TAFA2: variants seen among roughly 807,000 people sequenced by gnomAD.
TAFA2 encodes chemokine-like protein TAFA-2.
TAFA2 carries 7 observed loss-of-function variants against 18.8 expected under a neutral mutation model. That is an observed-to-expected ratio of 0.37 (90% confidence interval 0.21 to 0.70). The LOEUF (loss-of-function observed/expected upper bound fraction) is 0.70. TAFA2 is among the 30% of genes least tolerant of loss of function. The pLI is 0.53. For missense variants in TAFA2, 122 were observed against 158.1 expected (o/e 0.77, Z 1.23); for synonymous variants, 60 against 54.2 (o/e 1.11, Z -0.47).
At chr12:62,020,702 G>A (rs1881100185) in intron 1 of TAFA2, among the ~76,000 whole-genome samples, 2 of 152,102 alleles carry the variant, frequency 1.3e-5, no homozygotes, top group African/African-American at 4.8e-5. Flanking sequence ...CTTTGTGTTT[G>A]AAAATGATTT....
chr12:61,972,417 AGTG>A (rs1272291462), intron 1 of TAFA2, among the ~76,000 whole-genome samples: 1 of 151,600 alleles, frequency 6.6e-6, no homozygotes, highest in Non-Finnish European at 1.5e-5. Flanking sequence ...GATACAACCA[AGTG>A]GTGATAACTT....
At chr12:62,112,252 AG>A (rs1565748305) in intron 1 of TAFA2, among the ~76,000 whole-genome samples, 1 of 152,148 alleles carries the variant, frequency 6.6e-6, no homozygotes, top group Non-Finnish European at 1.5e-5. Flanking sequence ...TATGAAGCTT[AG>A]TTTGGCTGGA....
At chr12:61,737,511 T>C (rs1037145218) in intron 4 of TAFA2, among the ~76,000 whole-genome samples, 8 of 151,732 alleles carry the variant, frequency 5.3e-5, no homozygotes, top group South Asian at 2.1e-4. Context: ...GTTAAGAGCA[T>C]GGGGTTAAGA....
intron 1 of TAFA2, among the ~76,000 whole-genome samples, chr12:62,099,482 C>G (rs919830789): frequency 6.6e-6 from 1 of 152,140 alleles, no homozygotes; most frequent in Admixed American, 6.5e-5. Flanking sequence ...TAGCACTTAA[C>G]TACAGACTCA....
chr12:62,162,661 G>T (rs2062413913), intron 1 of TAFA2, among the ~76,000 whole-genome samples: 2 of 152,156 alleles, frequency 1.3e-5, no homozygotes, highest in African/African-American at 4.8e-5. Flanking sequence ...CTGGTCCACT[G>T]CAGGCTTTCT....
intron 1 of TAFA2, among the ~76,000 whole-genome samples, chr12:62,054,433 A>G (rs1882134792): frequency 6.6e-6 from 1 of 152,202 alleles, no homozygotes; most frequent in African/African-American, 2.4e-5. Flanking sequence ...GATCATACAC[A>G]ATCTCAGAGT....
Position 61,867,406 on chromosome 12 carries a change from TGTAA to T in TAFA2, c.16_19del (p.Leu6ArgfsTer9). The stretch of plus-strand genomic sequence containing the variant: ...TAGCAGTTTTCCTTTTGTTGCTTTC[TGTAA>T]GTATCTCTTACTCATCCTGCAAATA... On this transcript the variant is annotated frameshift_variant, in exon 2 of 5. Coordinates refer to ENST00000416284, the MANE Select transcript of TAFA2 (RefSeq NM_178539.5). LOFTEE classifies it high-confidence loss of function. The T allele has an allele frequency of 6.3e-7, 1 of 1,586,808 alleles. No individual in the cohort carries two copies. Among genetic ancestry groups the T allele is most frequent in the Non-Finnish European group, 8.6e-7 (1 of 1,157,462 alleles).
intron 4 of TAFA2, among the ~76,000 whole-genome samples, chr12:61,727,199 G>T (rs1175327095): frequency 6.6e-6 from 1 of 150,874 alleles, no homozygotes; most frequent in African/African-American, 2.4e-5. Flanking sequence ...CTTTTTTTAT[G>T]TTATCTGGTT....
chr12:61,996,666 A>G (rs990048692), intron 1 of TAFA2, among the ~76,000 whole-genome samples: 2 of 152,102 alleles, frequency 1.3e-5, no homozygotes, highest in African/African-American at 4.8e-5. Flanking sequence ...TGCACCTCAA[A>G]TAGGCTTTCA....
At chr12:61,811,779 A>G (rs571293096) in intron 2 of TAFA2, among the ~76,000 whole-genome samples, 1 of 151,520 alleles carries the variant, frequency 6.6e-6, no homozygotes, top group Admixed American at 6.6e-5. Flanking sequence ...AAGTGGACAC[A>G]TAAATATCTA....
intron 1 of TAFA2, among the ~76,000 whole-genome samples, chr12:61,940,739 G>C (rs1224467562): frequency 6.6e-6 from 1 of 152,138 alleles, no homozygotes; most frequent in Non-Finnish European, 1.5e-5. Context: ...TGCCACTTGA[G>C]GAAAGGTCTG....
At chr12:62,006,591 A>C (rs1189007398) in intron 1 of TAFA2, among the ~76,000 whole-genome samples, 3 of 152,194 alleles carry the variant, frequency 2.0e-5, no homozygotes, top group Non-Finnish European at 4.4e-5. Context: ...AGTCTAAGAG[A>C]GGCTACAACT....
chr12:61,864,545 G>A (rs950834436), intron 2 of TAFA2, among the ~76,000 whole-genome samples: 3 of 151,174 alleles, frequency 2.0e-5, no homozygotes, highest in Non-Finnish European at 4.4e-5. Flanking sequence ...AGGCCGAGGC[G>A]GGCGGATCAC....
At chr12:62,037,471 A>G (rs529940516) in intron 1 of TAFA2, among the ~76,000 whole-genome samples, 1 of 152,236 alleles carries the variant, frequency 6.6e-6, no homozygotes, top group Non-Finnish European at 1.5e-5. Flanking sequence ...AAAAAATCAT[A>G]CAATTCTTAA....
intron 1 of TAFA2, among the ~76,000 whole-genome samples, chr12:62,064,587 C>T (rs922428487): frequency 6.6e-6 from 1 of 152,208 alleles, no homozygotes; most frequent in Middle Eastern, 3.4e-3. Context: ...AACCATACCA[C>T]TTGGTGGATT....
chr12:61,826,338 C>CTG (rs57736074), intron 2 of TAFA2, among the ~76,000 whole-genome samples: 45,335 of 149,006 alleles, frequency 0.3, 7,283 homozygotes, highest in South Asian at 0.39. Context: ...ATTAGTTCAT[C>CTG]TGTGTGTGTG....
chr12:61,851,012 G>C (rs1350609254), intron 2 of TAFA2, among the ~76,000 whole-genome samples: 1 of 152,024 alleles, frequency 6.6e-6, no homozygotes, highest in East Asian at 1.9e-4. Context: ...CTAAACTTCA[G>C]CATATTTAAA....
intron 1 of TAFA2, among the ~76,000 whole-genome samples, chr12:62,243,546 CA>C (rs1184295350): frequency 6.6e-6 from 1 of 152,160 alleles, no homozygotes; most frequent in Non-Finnish European, 1.5e-5. Context: ...GCTAAAATGC[CA>C]GGCACTTGAA....
intron 1 of TAFA2, among the ~76,000 whole-genome samples, chr12:61,916,501 G>A (rs549800912): frequency 5.5e-4 from 84 of 152,252 alleles, no homozygotes; most frequent in African/African-American, 1.6e-3. Context: ...ACTCTCCATC[G>A]TTAATCTGAC....
Sources: gnomAD v4.1 joint callset for allele counts (sites outside exome capture counted in the v4.1 genomes callset) on GRCh38, gnomAD v4.1.1 for gene constraint, MANE v1.5 for transcripts, NCBI Gene and HGNC (gene_info 2026-07-23, HGNC 2026-07-21) for gene names.